KLHL29: variants seen among roughly 807,000 people sequenced by gnomAD.
KLHL29 encodes the protein kelch like family member 29.
A neutral mutation model predicts 80.4 loss-of-function variants in KLHL29; 21 were observed. The observed-to-expected ratio is 0.26, with a 90% CI of 0.19 to 0.38. KLHL29 has a LOEUF of 0.38. Among genes scored for constraint, KLHL29 ranks in the 10% least tolerant of loss-of-function variants. The pLI is 1.00. For synonymous variants in KLHL29, 511 were observed against 526.8 expected (o/e 0.97, Z 0.41); for missense variants, 867 against 1,223.9 (o/e 0.71, Z 4.35).
chr2:23,583,009 A>G (rs1475958983), intron 3 of KLHL29, among the ~76,000 whole-genome samples: 1 of 152,202 alleles, frequency 6.6e-6, no homozygotes, highest in African/African-American at 2.4e-5. Flanking sequence ...GACAACACAG[A>G]GAAGGCCACG....
At chr2:23,531,193 G>A (rs1666479975) in intron 2 of KLHL29, among the ~76,000 whole-genome samples, 1 of 152,240 alleles carries the variant, frequency 6.6e-6, no homozygotes, top group Admixed American at 6.5e-5. Flanking sequence ...AATAAATAGT[G>A]AGCGAAAGTC....
intron 2 of KLHL29, among the ~76,000 whole-genome samples, chr2:23,498,423 C>T (rs1665333426): frequency 6.6e-6 from 1 of 152,220 alleles, no homozygotes; most frequent in African/African-American, 2.4e-5. Flanking sequence ...TCAGAACAAA[C>T]ACCCGATCAG....
In KLHL29 at chr2:23,648,012, C is replaced by T. The variant is rs576232226; in HGVS notation, c.940+5162C>T. Among the ~76,000 whole-genome samples the T allele has an allele frequency of 2.0e-5, 3 of 152,262 alleles. No individual in the cohort carries two copies. The South Asian group carries it at 6.2e-4, about 32-fold the overall frequency. Reference sequence around the variant, plus strand: ...AGAATCACCCACCAGGGTTCTGTGACTTCCCCTTCCCTTCACATGAAAGCA... The same window carrying T: ...AGAATCACCCACCAGGGTTCTGTGATTTCCCCTTCCCTTCACATGAAAGCA... On this transcript the variant is annotated intron_variant, in intron 5 of 13. Transcript: ENST00000486442.
At chr2:23,473,970 A>G (rs1475951755) in intron 1 of KLHL29, among the ~76,000 whole-genome samples, 4 of 152,122 alleles carry the variant, frequency 2.6e-5, no homozygotes, top group Admixed American at 2.0e-4. Flanking sequence ...GTGTGTGCTC[A>G]AATGTCCTCC....
intron 1 of KLHL29, among the ~76,000 whole-genome samples, chr2:23,446,177 T>C (rs1663670259): frequency 6.6e-6 from 1 of 151,836 alleles, no homozygotes; most frequent in African/African-American, 2.4e-5. Context: ...AACTTCATTA[T>C]TTAGTTAGCT....
chr2:23,500,467 A>C (rs1314101956), intron 2 of KLHL29, among the ~76,000 whole-genome samples: 1 of 152,184 alleles, frequency 6.6e-6, no homozygotes, highest in Non-Finnish European at 1.5e-5. Flanking sequence ...TAGGTCTAGA[A>C]GTCAAGACCA....
chr2:23,420,082 G>A (rs1170261204), intron 1 of KLHL29, among the ~76,000 whole-genome samples: 4 of 152,160 alleles, frequency 2.6e-5, no homozygotes, highest in Non-Finnish European at 5.9e-5. Flanking sequence ...GCCGGCACGG[G>A]GGGTCCTACG....
intron 2 of KLHL29, among the ~76,000 whole-genome samples, chr2:23,517,949 A>T (rs947088133): frequency 1.3e-5 from 2 of 152,192 alleles, no homozygotes; most frequent in African/African-American, 2.4e-5. Context: ...TGGACAAGTC[A>T]TGTTTTACCT....
chr2:23,510,762 C>G (rs1665744763), intron 2 of KLHL29, among the ~76,000 whole-genome samples: 1 of 152,076 alleles, frequency 6.6e-6, no homozygotes, highest in South Asian at 2.1e-4. Flanking sequence ...GGCTGGATCC[C>G]AAGGCTGGGC....
intron 1 of KLHL29, among the ~76,000 whole-genome samples, 188 bp downstream of exon 1, chr2:23,385,968 C>G (rs1025530528): frequency 6.6e-6 from 1 of 151,988 alleles, no homozygotes; most frequent in Non-Finnish European, 1.5e-5. Flanking sequence ...GCTGCAGGAG[C>G]CCTTGCGCCT....
chr2:23,677,186 C>T (rs1485812647), intron 5 of KLHL29, among the ~76,000 whole-genome samples: 6 of 152,332 alleles, frequency 3.9e-5, no homozygotes, highest in Admixed American at 2.0e-4. Context: ...CAGTCCCACC[C>T]GCACCCACTG....
chr2:23,485,332 GA>G (rs1487636149), intron 2 of KLHL29, among the ~76,000 whole-genome samples: 2 of 152,220 alleles, frequency 1.3e-5, no homozygotes, highest in Admixed American at 6.5e-5. Flanking sequence ...AAATGTTTCT[GA>G]GATAAATGAA....
rs542846340 is a variant in KLHL29, at chr2:23,405,193, C to G, written c.-154+19413C>G. 5.3e-4 allele frequency among the ~76,000 whole-genome samples: 80 copies of G among 152,228 alleles called. 1 individual carries two copies. Among genetic ancestry groups the G allele is most frequent in the Admixed American group, 1.7e-3 (26 of 15,292 alleles). On this transcript the variant is annotated intron_variant, in intron 1 of 13. Transcript: ENST00000486442. ...GCATAACAAATATTCTAATTTTGTT[C>G]AATCCATACCAATATTGTTTGGATT...
intron 1 of KLHL29, among the ~76,000 whole-genome samples, chr2:23,455,784 TAGTC>T (rs895780812): frequency 2.6e-5 from 4 of 152,204 alleles, no homozygotes; most frequent in Non-Finnish European, 4.4e-5. Flanking sequence ...GTTCATTTGT[TAGTC>T]AGCCACAGTT....
At chr2:23,390,563 CATATAT>C (rs1280270527) in intron 1 of KLHL29, among the ~76,000 whole-genome samples, 1 of 150,246 alleles carries the variant, frequency 6.7e-6, no homozygotes. Context: ...TATACACATA[CATATAT>C]ATAGTTATAT....
chr2:23,577,760 AAAG>A (rs1314594617), intron 3 of KLHL29, among the ~76,000 whole-genome samples: 194 of 152,094 alleles, frequency 1.3e-3, no homozygotes, highest in South Asian at 4.2e-3. Flanking sequence ...AAAAAAAAAA[AAAG>A]AAAAGAAAGA....
chr2:23,690,903 G>C (rs1287953867), intron 6 of KLHL29: 1 of 152,266 alleles, frequency 6.6e-6, no homozygotes, highest in Non-Finnish European at 1.5e-5. Context: ...CCAGCCCGAC[G>C]CACACTCTAC....
intron 2 of KLHL29, among the ~76,000 whole-genome samples, chr2:23,502,850 T>A (rs1228012009): frequency 6.6e-6 from 1 of 152,208 alleles, no homozygotes; most frequent in African/African-American, 2.4e-5. Flanking sequence ...CAGGCTGCAG[T>A]GTGGTCCAAG....
intron 2 of KLHL29, among the ~76,000 whole-genome samples, chr2:23,477,712 G>A (rs1396145833): frequency 6.6e-6 from 1 of 152,244 alleles, no homozygotes; most frequent in Non-Finnish European, 1.5e-5. Flanking sequence ...CAGAGAAGGG[G>A]AGTTGGAAAA....
Sources: gnomAD v4.1 joint callset for allele counts (sites outside exome capture counted in the v4.1 genomes callset) on GRCh38, gnomAD v4.1.1 for gene constraint, MANE v1.5 for transcripts, NCBI Gene and HGNC (gene_info 2026-07-23, HGNC 2026-07-21) for gene names.